The following VRK2 variants were observed in gnomAD, a reference collection of about 807,000 sequenced individuals.
VRK2 encodes serine/threonine-protein kinase VRK2.
In VRK2, 60 loss-of-function variants were observed where a neutral mutation model predicts 57.6. That is an observed-to-expected ratio of 1.04 (90% confidence interval 0.85 to 1.29). The LOEUF is 1.29. VRK2 is among the 50% of genes most tolerant of loss of function. VRK2 has a pLI of 0.00. For synonymous variants in VRK2, 231 were observed against 199.2 expected (o/e 1.16, Z -1.35); for missense variants, 705 against 588.1 (o/e 1.20, Z -2.06).
chr2:58,022,153 A>T (rs1057041885), intron 1 of VRK2, among the ~76,000 whole-genome samples: 1 of 152,236 alleles, frequency 6.6e-6, no homozygotes, highest in African/African-American at 2.4e-5. Context: ...TGTGATCTCA[A>T]TCATGAGGTC....
At chr2:58,071,913 A>C (rs1156245492) in intron 2 of VRK2, among the ~76,000 whole-genome samples, 1 of 151,936 alleles carries the variant, frequency 6.6e-6, no homozygotes, top group South Asian at 2.1e-4. Flanking sequence ...CTATTTATGA[A>C]CATGATGTAT....
intron 2 of VRK2, chr2:58,058,448 T>C (rs1676853825): frequency 4.3e-6 from 2 of 469,942 alleles, no homozygotes; most frequent in East Asian, 7.0e-5. Context: ...AGCTTCGACA[T>C]GTGTGAAAGA....
At chr2:58,037,693 A>T (rs1323847209) in intron 3 of VRK2, among the ~76,000 whole-genome samples, 2 of 152,148 alleles carry the variant, frequency 1.3e-5, no homozygotes, top group Non-Finnish European at 2.9e-5. Flanking sequence ...GTTCTTTGCC[A>T]TCTTTTCATT....
intron 9 of VRK2, among the ~76,000 whole-genome samples, chr2:58,134,242 CTCTCCCT>C (rs763062273): frequency 1.0e-3 from 156 of 152,306 alleles, no homozygotes; most frequent in Non-Finnish European, 1.8e-3. Context: ...GAAGGTCACC[CTCTCCCT>C]TCTCCCTTTA....
At chr2:58,142,389 C>CA (rs1681481358) in intron 11 of VRK2, among the ~76,000 whole-genome samples, 1 of 150,882 alleles carries the variant, frequency 6.6e-6, no homozygotes, top group African/African-American at 2.4e-5. Context: ...TAAACCTGGA[C>CA]AGAGAATTCC....
intron 12 of VRK2, among the ~76,000 whole-genome samples, chr2:58,153,156 T>C (rs1349357280): frequency 6.6e-6 from 1 of 152,044 alleles, no homozygotes; most frequent in East Asian, 1.9e-4. Context: ...AATCTTATGA[T>C]ATGTAACTTG....
intron 2 of VRK2, among the ~76,000 whole-genome samples, chr2:58,074,933 G>A (rs1669877676): frequency 6.6e-6 from 1 of 151,996 alleles, no homozygotes; most frequent in Non-Finnish European, 1.5e-5. Flanking sequence ...AGTGGTACAT[G>A]GCAGGTTTGT....
At chr2:58,120,184 C>CT (rs397868874) in intron 7 of VRK2, among the ~76,000 whole-genome samples, 560 of 51,950 alleles carry the variant, frequency 0.011, 25 homozygotes, top group Middle Eastern at 0.02. Context: ...TTTTTCTTTT[C>CT]TTTTTTTTTT....
intron 7 of VRK2, among the ~76,000 whole-genome samples, chr2:58,098,629 GTACCATA>G (rs1013697748): frequency 9.9e-5 from 15 of 152,066 alleles, no homozygotes; most frequent in African/African-American, 2.9e-4. Flanking sequence ...GCTATAAGTT[GTACCATA>G]TAGCCTAGGT....
chr2:58,128,855 C>T (rs1678758110), intron 8 of VRK2, among the ~76,000 whole-genome samples: 1 of 152,178 alleles, frequency 6.6e-6, no homozygotes, highest in Non-Finnish European at 1.5e-5. Context: ...TAGCGGCTCT[C>T]CATAAATCAC....
intron 1 of VRK2, 25 bp downstream of exon 1, chr2:58,046,893 G>C: frequency 2.0e-6 from 2 of 985,350 alleles, no homozygotes; most frequent in Non-Finnish European, 2.4e-6. Flanking sequence ...CTGGGGTCTT[G>C]GGTGGCGGGC....
At chr2:58,097,743 AC>A (rs1386800203) in intron 7 of VRK2, among the ~76,000 whole-genome samples, 2 of 152,194 alleles carry the variant, frequency 1.3e-5, no homozygotes, top group Non-Finnish European at 2.9e-5. Context: ...GCTGGTATAA[AC>A]AAACCTGTGC....
chr2:57,940,399 C>T (rs1318324979), intron 1 of VRK2, among the ~76,000 whole-genome samples: 3 of 152,142 alleles, frequency 2.0e-5, no homozygotes, highest in Non-Finnish European at 4.4e-5. Flanking sequence ...TTAGATGGTG[C>T]CCACCCACGC....
intron 2 of VRK2, among the ~76,000 whole-genome samples, chr2:58,071,991 T>A (rs776173848): frequency 2.6e-5 from 4 of 152,028 alleles, no homozygotes; most frequent in Non-Finnish European, 1.5e-5. Context: ...GTATGTATTT[T>A]GTTATATTTA....
intron 1 of VRK2, among the ~76,000 whole-genome samples, chr2:57,989,894 T>C (rs1006629299): frequency 2.0e-5 from 3 of 152,178 alleles, no homozygotes; most frequent in East Asian, 1.9e-4. Flanking sequence ...TATTGTATAA[T>C]AGATCATTCG....
At chr2:58,015,163 T>C (rs1673538208) in intron 1 of VRK2, among the ~76,000 whole-genome samples, 1 of 152,320 alleles carries the variant, frequency 6.6e-6, no homozygotes, top group Non-Finnish European at 1.5e-5. Context: ...AGAACACCTA[T>C]TAAGTCCTCT....
chr2:57,952,883 A>G (rs1282454006), intron 1 of VRK2, among the ~76,000 whole-genome samples: 1 of 152,146 alleles, frequency 6.6e-6, no homozygotes, highest in African/African-American at 2.4e-5. Flanking sequence ...TGGATGTGCC[A>G]CCCTCACTTT....
chr2:58,145,887 C>T (rs1402516583), intron 11 of VRK2, among the ~76,000 whole-genome samples: 2 of 151,972 alleles, frequency 1.3e-5, no homozygotes, highest in East Asian at 3.9e-4. Context: ...GTTTTCTGTC[C>T]TTGCGATAGT....
rs928554566 is a variant in VRK2 at position 57,933,318 on chromosome 2, T to TTTTC, written c.-439+25482_-439+25483insCTTT. ...TTATTTCTTTCTTTTTCTTTTTTTT[T>TTTTC]TTTTTTTTTTTTTGAGGCAGTATCT... On this transcript the variant is annotated intron_variant, in intron 1 of 15. Coordinates refer to the VRK2 transcript ENST00000417641. Among the ~76,000 whole-genome samples, 6 of 132,950 alleles carry TTTTC rather than the reference T, an allele frequency of 4.5e-5. 1 individual carries two copies. The highest frequency in any genetic ancestry group is 1.8e-4 in the African/African-American group (6 of 33,176). The allele number at this position is 132,950 out of a possible 152,430, so 87.2% of individuals were successfully genotyped here.
Sources: gnomAD v4.1 joint callset for allele counts (sites outside exome capture counted in the v4.1 genomes callset) on GRCh38, gnomAD v4.1.1 for gene constraint, MANE v1.5 for transcripts, NCBI Gene and HGNC (gene_info 2026-07-23, HGNC 2026-07-21) for gene names.